The following BCL11B variants were observed in gnomAD, a reference collection of about 807,000 sequenced individuals.
BCL11B encodes B-cell lymphoma/leukemia 11B.
Under a neutral mutation model 49.9 loss-of-function variants are expected in BCL11B, and 8 were observed. The ratio of observed to expected loss-of-function variants is 0.16; its 90% CI spans 0.09 to 0.29. The LOEUF is 0.29. Among genes scored for constraint, BCL11B ranks in the 10% least tolerant of loss-of-function variants. The pLI, the probability that BCL11B is intolerant of heterozygous loss-of-function variation, is 1.00. For synonymous variants in BCL11B, 739 were observed against 637.4 expected (o/e 1.16, Z -2.40); for missense variants, 1,006 against 1,351.0 (o/e 0.74, Z 4.00).
chr14:99,258,305 AAT>A (rs1366019569), intron 1 of BCL11B, among the ~76,000 whole-genome samples: 5 of 152,308 alleles, frequency 3.3e-5, no homozygotes, highest in Non-Finnish European at 5.9e-5. Context: ...CAAACATCGG[AAT>A]AGTCTTTCAG....
intron 2 of BCL11B, among the ~76,000 whole-genome samples, chr14:99,235,132 G>A (rs944251654): frequency 1.1e-4 from 17 of 152,310 alleles, no homozygotes; most frequent in Non-Finnish European, 1.8e-4. Context: ...GGGTTTCAGG[G>A]GGAATTCGAG....
At position 99,247,902 on chromosome 14, in the gene BCL11B, G is replaced by A. The variant is rs541573500; in HGVS notation, c.427+9569C>T. On this transcript the variant is annotated intron_variant, in intron 2 of 3. Coordinates refer to ENST00000357195, the MANE Select transcript of BCL11B (RefSeq NM_138576.4). The surrounding 1 kb of genome is among the most constrained non-coding windows in gnomAD (Gnocchi z 4.5). The stretch of plus-strand genomic sequence containing the variant: ...CAGCCCCCAGGGCAGGGGATGGGGG[G>A]AAAACAGCCCTGATCAAACATTGCC... Among the ~76,000 whole-genome samples the A allele has an allele frequency of 2.6e-5, 4 of 152,198 alleles. No homozygotes were observed. The highest frequency in any genetic ancestry group is 6.5e-5 in the Admixed American group (1 of 15,286).
intron 2 of BCL11B, among the ~76,000 whole-genome samples, chr14:99,237,673 G>A (rs1395488129): frequency 3.3e-5 from 5 of 152,182 alleles, no homozygotes; most frequent in African/African-American, 4.8e-5. Context: ...GAAGAGCAAC[G>A]AAAAGGGAAA....
intron 3 of BCL11B, among the ~76,000 whole-genome samples, chr14:99,182,841 T>G (rs1186257009): frequency 6.6e-6 from 1 of 152,254 alleles, no homozygotes; most frequent in East Asian, 1.9e-4. Context: ...AAATAAAGCA[T>G]GCCTGCACCT....
chr14:99,173,290 C>T lies in BCL11B; in HGVS notation c.*861G>A. 2 of 223,664 alleles carry T rather than the reference C, an allele frequency of 8.9e-6. No individual in the cohort carries two copies. Among genetic ancestry groups the T allele is most frequent in the Non-Finnish European group, 1.8e-5 (2 of 112,066 alleles). 13.9% of individuals were successfully genotyped at this position (223,664 alleles called of 1,614,324 possible). A position where few individuals can be genotyped will look rare whatever the true frequency, so the allele number is the denominator to read the frequency against. On this transcript the variant is annotated 3_prime_UTR_variant, in exon 4 of 4. Coordinates refer to ENST00000357195, the MANE Select transcript of BCL11B (RefSeq NM_138576.4). Reference sequence around the variant, plus strand: ...ATAGTATCTGCTGGTCATGCACAACCTCAGAATGCTGTCGGGCCATTTCCC... The same window carrying T: ...ATAGTATCTGCTGGTCATGCACAACTTCAGAATGCTGTCGGGCCATTTCCC...
At chr14:99,216,971 CAT>C (rs777506035) in intron 3 of BCL11B, among the ~76,000 whole-genome samples, 39 of 152,100 alleles carry the variant, frequency 2.6e-4, no homozygotes, top group Admixed American at 9.2e-4. Flanking sequence ...CACGTGTGTG[CAT>C]ACACACAAAT....
In BCL11B at chr14:99,171,108, C is replaced by G. The variant is rs1886275398; in HGVS notation, c.*3043G>C. 2 of 229,088 alleles carry G rather than the reference C, an allele frequency of 8.7e-6. No homozygotes were observed. The highest frequency in any genetic ancestry group is 6.2e-5 in the East Asian group (1 of 16,040). The allele number at this position is 229,088 out of a possible 1,614,324, so 14.2% of individuals were successfully genotyped here. ...TTACAAAAACTGATTTTTTTCCACTCAACACAAATAATTTCCCATCTGGTC... is the reference window on the plus strand; with the variant it reads ...TTACAAAAACTGATTTTTTTCCACTGAACACAAATAATTTCCCATCTGGTC... On this transcript the variant is annotated 3_prime_UTR_variant, in exon 4 of 4. Transcript: ENST00000357195.
intron 3 of BCL11B, among the ~76,000 whole-genome samples, chr14:99,221,758 G>C (rs1470261852): frequency 6.6e-6 from 1 of 152,264 alleles, no homozygotes; most frequent in Non-Finnish European, 1.5e-5. Context: ...AACTACAAGA[G>C]AAGCTGCCTG....
chr14:99,196,323 T>C (rs1167754734), intron 3 of BCL11B, among the ~76,000 whole-genome samples: 2 of 152,058 alleles, frequency 1.3e-5, no homozygotes, highest in African/African-American at 2.4e-5. Context: ...GTTCTGATCA[T>C]AGTGGTGACT....
intron 3 of BCL11B, among the ~76,000 whole-genome samples, chr14:99,201,021 G>A (rs1887365245): frequency 6.6e-6 from 1 of 152,198 alleles, no homozygotes; most frequent in Non-Finnish European, 1.5e-5. Context: ...GGGAGGAGAA[G>A]CCAGGGCACC....
intron 3 of BCL11B, among the ~76,000 whole-genome samples, chr14:99,220,430 G>A (rs148568836): frequency 2.0e-5 from 3 of 152,306 alleles, no homozygotes; most frequent in East Asian, 3.9e-4. Context: ...ATTGTAACAC[G>A]TGCTACAACA....
Position 99,257,605 on chromosome 14 carries a change from G to A in BCL11B, c.293C>T (p.Pro98Leu), listed in dbSNP as rs145770156. 918 of 1,614,096 alleles carry A rather than the reference G, an allele frequency of 5.7e-4. 2 individuals carry two copies. The highest frequency in any genetic ancestry group is 6.4e-4 in the Non-Finnish European group (760 of 1,179,990). ...CYDKALDKDS[P>L]PPSSRSELRK... ...GAGCTCGGAGCGTGAGGAGGGTGGC[G>A]GGCTGTCCTTGTCCAGGGCCTTGTC... Residue 98 changes from proline to leucine, a missense_variant, in exon 2 of 4, where the codon CCG becomes CTG. Physicochemically the swap from Pro to Leu is moderately conservative, Grantham distance 98 (BLOSUM62 -3). Transcript: ENST00000357195. The surrounding 1 kb of genome is among the most constrained non-coding windows in gnomAD (Gnocchi z 6.2).
At position 99,231,163 on chromosome 14, in the gene BCL11B, G is replaced by T. The variant is rs147627540; in HGVS notation, c.640+182C>A. Among the ~76,000 whole-genome samples, 619 of 152,300 alleles carry T rather than the reference G, an allele frequency of 4.1e-3. 5 individuals are homozygous for T. Among genetic ancestry groups the T allele is most frequent in the African/African-American group, 0.014 (588 of 41,556 alleles). ...GGGGCACCGTGGGGGACTCCTGACC[G>T]AGGGGCACCGGGCCCTGGCTCATAG... On this transcript the variant is annotated intron_variant, in intron 3 of 3. Coordinates refer to ENST00000357195, the MANE Select transcript of BCL11B (RefSeq NM_138576.4). The surrounding 1 kb of genome is among the most constrained non-coding windows in gnomAD (Gnocchi z 8.1).
At position 99,247,035 on chromosome 14, in the gene BCL11B, C is replaced by T. The variant is rs1199889147; in HGVS notation, c.427+10436G>A. On this transcript the variant is annotated intron_variant, in intron 2 of 3. Transcript: ENST00000357195. This position sits in a 1 kb window ranked among gnomAD's most constrained non-coding sequence, Gnocchi z 4.5. The stretch of plus-strand genomic sequence containing the variant: ...GCCTGGAGCCTCGCGTCCCGCCTCC[C>T]CGCAACACGCTGTTTTCAGCGTTCC... Among the ~76,000 whole-genome samples, 2 of 152,148 alleles carry T rather than the reference C, an allele frequency of 1.3e-5. No homozygotes were observed. The highest frequency in any genetic ancestry group is 6.5e-5 in the Admixed American group (1 of 15,282).
intron 3 of BCL11B, among the ~76,000 whole-genome samples, chr14:99,197,839 T>C (rs1028152278): frequency 1.3e-5 from 2 of 152,114 alleles, no homozygotes; most frequent in African/African-American, 4.8e-5. Context: ...TTCTGGGTCA[T>C]GCACCCCCAG....
At position 99,205,942 on chromosome 14, in the gene BCL11B, G is replaced by A. The variant is rs1032490612; in HGVS notation, c.640+25403C>T. On this transcript the variant is annotated intron_variant, in intron 3 of 3. Transcript: ENST00000357195. The surrounding 1 kb of genome is among the most constrained non-coding windows in gnomAD (Gnocchi z 5.0). ...GCAGCCCTTCGTAGCCAGGGGTTGG[G>A]AGGGGAGTCTTGTGGGAAGGGAGCC... is the stretch of plus-strand genomic sequence containing the variant. Among the ~76,000 whole-genome samples, 1 of 152,188 alleles carries A rather than the reference G, an allele frequency of 6.6e-6. No individual in the cohort carries two copies. Among genetic ancestry groups the A allele is most frequent in the African/African-American group, 2.4e-5 (1 of 41,438 alleles).
Position 99,174,898 on chromosome 14 carries a change from G to T in BCL11B, c.1938C>A (p.Gly646=). The T allele has an allele frequency of 1.8e-6, 2 of 1,083,828 alleles. No homozygotes were observed. The allele number at this position is 1,083,828 out of a possible 1,614,324, so 67.1% of individuals were successfully genotyped here. ...CGCGCCCGTTGACCGCGCCGCCCGC[G>T]CCCGCGTCCCCGCAGCCGCCCGCGT... is the stretch of plus-strand genomic sequence containing the variant. ...DDDAGGCGDA[G]AGGAVNGRGG... is the part of the protein sequence containing the mutation. Residue 646 remains glycine, a synonymous_variant, in exon 4 of 4, where the codon GGC becomes GGA. Coordinates refer to ENST00000357195, the MANE Select transcript of BCL11B (RefSeq NM_138576.4).
chr14:99,251,302 C>G (rs1451238929), intron 2 of BCL11B, among the ~76,000 whole-genome samples: 1 of 152,210 alleles, frequency 6.6e-6, no homozygotes, highest in Non-Finnish European at 1.5e-5. Context: ...ATCCCACCGG[C>G]AGGATCTCCA....
rs892850106 is a variant in BCL11B, at chr14:99,184,355, A to G, written c.641-8160T>C. ...AGATCTGCTTCATACTGATCACCAT[A>G]CTGAACTGTCATCTTTTGTCTTTGA... is the stretch of plus-strand genomic sequence containing the variant. On this transcript the variant is annotated intron_variant, in intron 3 of 3. Coordinates refer to ENST00000357195, the MANE Select transcript of BCL11B (RefSeq NM_138576.4). This position sits in a 1 kb window ranked among gnomAD's most constrained non-coding sequence, Gnocchi z 6.1. Among the ~76,000 whole-genome samples the G allele has an allele frequency of 2.6e-5, 4 of 152,116 alleles. No individual in the cohort carries two copies. Among genetic ancestry groups the G allele is most frequent in the Admixed American group, 6.5e-5 (1 of 15,272 alleles).
Sources: gnomAD v4.1 joint callset for allele counts (sites outside exome capture counted in the v4.1 genomes callset) on GRCh38, gnomAD v4.1.1 for gene constraint, Gnocchi (gnomAD v3.1) non-coding constraint, MANE v1.5 for transcripts, NCBI Gene and HGNC (gene_info 2026-07-23, HGNC 2026-07-21) for gene names.